RBFOX3: variants seen among roughly 807,000 people sequenced by gnomAD.
RBFOX3 encodes the protein RNA binding fox-1 homolog 3.
In RBFOX3, 17 loss-of-function variants were observed where a neutral mutation model predicts 48.7. The ratio of observed to expected loss-of-function variants is 0.35; its 90% CI spans 0.24 to 0.52. RBFOX3 has a LOEUF of 0.52. RBFOX3 is among the 20% of genes least tolerant of loss of function. The pLI is 0.94. For synonymous variants in RBFOX3, 212 were observed against 209.5 expected (o/e 1.01, Z -0.10); for missense variants, 382 against 497.5 (o/e 0.77, Z 2.21).
chr17:79,491,991 G>C (rs1172375166), intron 1 of RBFOX3, among the ~76,000 whole-genome samples: 1 of 152,144 alleles, frequency 6.6e-6, no homozygotes, highest in Non-Finnish European at 1.5e-5. Context: ...CAGGAGAATT[G>C]CATGAACCTG....
At chr17:79,496,573 C>A (rs376978586) in intron 1 of RBFOX3, among the ~76,000 whole-genome samples, 39 of 152,326 alleles carry the variant, frequency 2.6e-4, no homozygotes, top group African/African-American at 9.4e-4. Flanking sequence ...GAAAGCTGCC[C>A]AGGCCCTGGC....
chr17:79,147,554 G>A lies in RBFOX3; in HGVS notation c.-33-31806C>T, dbSNP rs542166580. On this transcript the variant is annotated intron_variant, in intron 4 of 14. Coordinates refer to ENST00000693108, the MANE Select transcript of RBFOX3 (RefSeq NM_001350451.2). ...CAGAGATCGGGAGGATCTCATTGGG[G>A]AGGGGGGGGGCTCACCTTCTGGTAA... Among the ~76,000 whole-genome samples, 7 of 152,290 alleles carry A rather than the reference G, an allele frequency of 4.6e-5. 1 individual carries two copies. The South Asian group carries it at 1.5e-3, about 32-fold the overall frequency.
chr17:79,388,260 G>A (rs1361518033), intron 2 of RBFOX3, among the ~76,000 whole-genome samples: 1 of 152,208 alleles, frequency 6.6e-6, no homozygotes, highest in African/African-American at 2.4e-5. Context: ...TCACAGAAGA[G>A]TCATGCCCAG....
At chr17:79,315,865 G>A (rs2077472830) in intron 2 of RBFOX3, among the ~76,000 whole-genome samples, 3 of 152,308 alleles carry the variant, frequency 2.0e-5, no homozygotes, top group Non-Finnish European at 4.4e-5. Context: ...CGCGGAAGGG[G>A]CTGGGGAGAG....
At chr17:79,183,039 G>A (rs2052476980) in intron 4 of RBFOX3, among the ~76,000 whole-genome samples, 1 of 149,392 alleles carries the variant, frequency 6.7e-6, no homozygotes, top group African/African-American at 2.4e-5. Context: ...CCCAAACTCC[G>A]GCCCCCCCGC....
chr17:79,364,500 C>T lies in RBFOX3; in HGVS notation c.-174-56676G>A, dbSNP rs557157404. On this transcript the variant is annotated intron_variant, in intron 2 of 14. Transcript: ENST00000693108. The surrounding 1 kb of genome is among the most constrained non-coding windows in gnomAD (Gnocchi z 5.1). ...TCCCAGGCCAAGCACGTCTCCCAGG[C>T]ATCTGATGGGTCAGTGCGCAGTTAA... 6.6e-6 allele frequency among the ~76,000 whole-genome samples: 1 copy of T among 152,218 alleles called. No individual in the cohort carries two copies. The highest frequency in any genetic ancestry group is 2.4e-5 in the African/African-American group (1 of 41,436).
At chr17:79,502,562 C>T (rs2082527524) in intron 1 of RBFOX3, among the ~76,000 whole-genome samples, 1 of 152,224 alleles carries the variant, frequency 6.6e-6, no homozygotes, top group Non-Finnish European at 1.5e-5. Flanking sequence ...CACCATGATA[C>T]AACTGTGCAG....
intron 2 of RBFOX3, among the ~76,000 whole-genome samples, chr17:79,403,373 C>T (rs1456963522): frequency 5.9e-5 from 9 of 152,206 alleles, no homozygotes; most frequent in East Asian, 1.9e-4. Flanking sequence ...AAATTAGAGA[C>T]GGGCAGCTCC....
chr17:79,305,869 T>C (rs1785616102), intron 3 of RBFOX3, among the ~76,000 whole-genome samples: 1 of 151,984 alleles, frequency 6.6e-6, no homozygotes, highest in Non-Finnish European at 1.5e-5. Flanking sequence ...CAGCAGAGAG[T>C]GCATAACCTG....
chr17:79,402,582 G>T (rs1244797186), intron 2 of RBFOX3, among the ~76,000 whole-genome samples: 2 of 152,188 alleles, frequency 1.3e-5, no homozygotes, highest in East Asian at 1.9e-4. Flanking sequence ...AGCCACATGG[G>T]GTGGTGGGGA....
Position 79,090,871 on chromosome 17 carries a change from C to T in RBFOX3, c.*12G>A, listed in dbSNP as rs1301457254. On this transcript the variant is annotated 3_prime_UTR_variant, in exon 15 of 15. Transcript: ENST00000693108. ...TGCCCTTCATGGTCCGAGAAGGAAACGGTGGAAGGTTTCACTACAACAGAA... is the reference window on the plus strand; with the variant it reads ...TGCCCTTCATGGTCCGAGAAGGAAATGGTGGAAGGTTTCACTACAACAGAA... The T allele has an allele frequency of 1.3e-5, 20 of 1,523,152 alleles. No individual in the cohort carries two copies. Among genetic ancestry groups the T allele is most frequent in the East Asian group, 7.4e-5 (3 of 40,430 alleles). The allele number at this position is 1,523,152 out of a possible 1,614,324, so 94.4% of individuals were successfully genotyped here.
At chr17:79,344,364 G>A (rs970510150) in intron 2 of RBFOX3, among the ~76,000 whole-genome samples, 26 of 151,900 alleles carry the variant, frequency 1.7e-4, no homozygotes, top group African/African-American at 5.3e-4. Flanking sequence ...TACCATTCCC[G>A]AGAGCTTTCA....
chr17:79,391,736 G>A lies in RBFOX3; in HGVS notation c.-174-83912C>T, dbSNP rs546324663. On this transcript the variant is annotated intron_variant, in intron 2 of 14. Transcript: ENST00000693108. This position sits in a 1 kb window ranked among gnomAD's most constrained non-coding sequence, Gnocchi z 5.0. Reference sequence around the variant, plus strand: ...TGGGCACAGGAAAGTCTGTGTGCACGTGTGAGTTAGGGTGGGGGGTATGTG... The same window carrying A: ...TGGGCACAGGAAAGTCTGTGTGCACATGTGAGTTAGGGTGGGGGGTATGTG... Among the ~76,000 whole-genome samples, 9 of 152,288 alleles carry A rather than the reference G, an allele frequency of 5.9e-5. No homozygotes were observed. The highest frequency in any genetic ancestry group is 1.9e-4 in the East Asian group (1 of 5,178).
chr17:79,238,150 T>A (rs1166619627), intron 3 of RBFOX3, among the ~76,000 whole-genome samples: 1 of 152,216 alleles, frequency 6.6e-6, no homozygotes, highest in East Asian at 1.9e-4. Context: ...TTGGTCAGGC[T>A]GGTCTTGAAC....
chr17:79,579,451 G>A (rs1381313424), intron 1 of RBFOX3, among the ~76,000 whole-genome samples: 1 of 152,214 alleles, frequency 6.6e-6, no homozygotes, highest in Non-Finnish European at 1.5e-5. Context: ...GGAAGATTCT[G>A]TCTTGCAGAC....
intron 1 of RBFOX3, among the ~76,000 whole-genome samples, chr17:79,496,439 C>T (rs1242692345): frequency 6.6e-6 from 1 of 152,178 alleles, no homozygotes; most frequent in Non-Finnish European, 1.5e-5. Flanking sequence ...AGGGAAATAA[C>T]TCAAAACCAT....
chr17:79,331,524 A>G (rs2080297003), intron 2 of RBFOX3, among the ~76,000 whole-genome samples: 1 of 152,144 alleles, frequency 6.6e-6, no homozygotes, highest in Non-Finnish European at 1.5e-5. Flanking sequence ...GGACCCCTGG[A>G]GAATGTCCTG....
At chr17:79,622,987 G>A in the RBFOX3 span, among the ~76,000 whole-genome samples, 2 of 151,922 alleles carry the variant, frequency 1.3e-5, no homozygotes, top group African/African-American at 4.8e-5. Flanking sequence ...TGCCCTCCTG[G>A]CCTCCCCACT....
chr17:79,190,768 C>T (rs917360843), intron 4 of RBFOX3, among the ~76,000 whole-genome samples: 1 of 152,188 alleles, frequency 6.6e-6, no homozygotes, highest in Non-Finnish European at 1.5e-5. Context: ...AAGCCACTGC[C>T]GCTCCCTGTA....
Sources: gnomAD v4.1 joint callset for allele counts (sites outside exome capture counted in the v4.1 genomes callset) on GRCh38, gnomAD v4.1.1 for gene constraint, Gnocchi (gnomAD v3.1) non-coding constraint, MANE v1.5 for transcripts, NCBI Gene and HGNC (gene_info 2026-07-23, HGNC 2026-07-21) for gene names.